TIAM1: variants seen among roughly 807,000 people sequenced by gnomAD.
TIAM1 encodes rho guanine nucleotide exchange factor TIAM1.
A neutral mutation model predicts 163.5 loss-of-function variants in TIAM1; 65 were observed. That is an observed-to-expected ratio of 0.40 (90% confidence interval 0.33 to 0.49). The LOEUF is 0.49. Ranked by LOEUF, TIAM1 falls within the 20% of genes least tolerant of loss-of-function variation. The probability of loss-of-function intolerance (pLI) is 0.77; values close to 1 mark genes in which losing one functional copy is unlikely to be tolerated. For missense variants in TIAM1, 1,789 were observed against 2,044.7 expected (o/e 0.87, Z 2.41); for synonymous variants, 833 against 810.1 (o/e 1.03, Z -0.48).
chr21:31,442,200 C>A (rs2044458945), intron 2 of TIAM1, among the ~76,000 whole-genome samples: 1 of 146,210 alleles, frequency 6.8e-6, no homozygotes, highest in Non-Finnish European at 1.5e-5. Context: ...AGTCAATGGA[C>A]AATTACTAAG....
intron 2 of TIAM1, among the ~76,000 whole-genome samples, chr21:31,315,839 TGGTG>T (rs2075104425): frequency 6.6e-6 from 1 of 151,320 alleles, no homozygotes; most frequent in African/African-American, 2.4e-5. Context: ...AAGGCGGGTG[TGGTG>T]GTGCACGCCT....
intron 1 of TIAM1, among the ~76,000 whole-genome samples, chr21:31,554,670 G>A (rs778965060): frequency 3.9e-4 from 59 of 152,324 alleles, no homozygotes; most frequent in Admixed American, 7.8e-4. Context: ...TCTGAAAGCA[G>A]ACAATTGATC....
chr21:31,268,319 T>C (rs962519895), intron 3 of TIAM1, among the ~76,000 whole-genome samples: 1 of 152,164 alleles, frequency 6.6e-6, no homozygotes, highest in African/African-American at 2.4e-5. Context: ...AAAAGCATCG[T>C]GGTGAAGCAG....
intron 1 of TIAM1, among the ~76,000 whole-genome samples, chr21:31,517,510 G>T (rs984014183): frequency 6.6e-6 from 1 of 152,134 alleles, no homozygotes; most frequent in African/African-American, 2.4e-5. Flanking sequence ...GGAGGCAGAG[G>T]GAGAGTCCAC....
chr21:31,160,768 T>C (rs1469663023), intron 16 of TIAM1: 3 of 353,760 alleles, frequency 8.5e-6, no homozygotes, highest in Admixed American at 4.7e-5. Context: ...CAGTGCCCTC[T>C]GGGAAGCTGT....
chr21:31,442,727 C>T (rs1225999962), intron 2 of TIAM1, among the ~76,000 whole-genome samples: 1 of 152,104 alleles, frequency 6.6e-6, no homozygotes, highest in African/African-American at 2.4e-5. Context: ...GAGGATGGGG[C>T]CAGGGTCACA....
intron 1 of TIAM1, among the ~76,000 whole-genome samples, chr21:31,489,706 AT>A (rs1188275430): frequency 6.6e-6 from 1 of 151,792 alleles, no homozygotes; most frequent in African/African-American, 2.4e-5. Flanking sequence ...GGTCCTGAAG[AT>A]AAACACTCCC....
At chr21:31,179,998 C>T (rs578013782) in intron 15 of TIAM1, among the ~76,000 whole-genome samples, 1 of 151,096 alleles carries the variant, frequency 6.6e-6, no homozygotes, top group South Asian at 2.1e-4. Context: ...CTCTGCCTCC[C>T]GGGTTCAAGC....
chr21:31,445,316 C>G (rs2044584772), intron 2 of TIAM1, among the ~76,000 whole-genome samples: 1 of 152,152 alleles, frequency 6.6e-6, no homozygotes, highest in Admixed American at 6.5e-5. Context: ...TTCTGTAATG[C>G]TAAGACCAGC....
At chr21:31,240,071 C>A (rs141740616) in intron 6 of TIAM1, among the ~76,000 whole-genome samples, 14 of 152,234 alleles carry the variant, frequency 9.2e-5, no homozygotes, top group Non-Finnish European at 1.5e-4. Flanking sequence ...CACCTGGGAA[C>A]AACTCAAATG....
intron 2 of TIAM1, among the ~76,000 whole-genome samples, chr21:31,413,264 C>CCTT (rs2043264983): frequency 1.1e-5 from 1 of 87,876 alleles, no homozygotes; most frequent in South Asian, 4.4e-4. Flanking sequence ...CTTTTCTTTT[C>CCTT]TTTTTTTTTT....
At chr21:31,355,661 C>T (rs118052928) in intron 2 of TIAM1, among the ~76,000 whole-genome samples, 2 of 151,992 alleles carry the variant, frequency 1.3e-5, no homozygotes, top group Non-Finnish European at 2.9e-5. Flanking sequence ...AAGCAATGCT[C>T]TTGCCTCCGC....
chr21:31,303,610 T>C (rs1181620679), intron 2 of TIAM1, among the ~76,000 whole-genome samples: 2 of 151,826 alleles, frequency 1.3e-5, no homozygotes, highest in African/African-American at 4.8e-5. Context: ...AGCATCAAAA[T>C]GATTTATAAT....
At chr21:31,463,383 C>G (rs916600249) in intron 2 of TIAM1, among the ~76,000 whole-genome samples, 3 of 152,182 alleles carry the variant, frequency 2.0e-5, no homozygotes, top group African/African-American at 7.2e-5. Context: ...TCAAAGGGTT[C>G]CAGAATCTGC....
rs545057586 is a variant in TIAM1, at chr21:31,224,174, A to C, written c.1810-583T>G. On this transcript the variant is annotated intron_variant, in intron 7 of 27. Transcript: ENST00000541036. ...TCCTTAGGCTGTTGGGATGTTTGAA[A>C]AAGATAATACAAGCATAAGTACAAG... 9.8e-5 allele frequency among the ~76,000 whole-genome samples: 15 copies of C among 152,296 alleles called. No individual in the cohort carries two copies. In the East Asian group the frequency reaches 2.9e-3, roughly 30 times the overall value.
intron 1 of TIAM1, among the ~76,000 whole-genome samples, chr21:31,493,511 A>G (rs890180811): frequency 6.6e-6 from 1 of 152,196 alleles, no homozygotes; most frequent in African/African-American, 2.4e-5. Flanking sequence ...AAAGACAAAA[A>G]AACAGAAAAC....
chr21:31,423,864 G>C (rs866701617), intron 2 of TIAM1, among the ~76,000 whole-genome samples: 2 of 72,118 alleles, frequency 2.8e-5, no homozygotes, highest in Non-Finnish European at 4.7e-5. Context: ...CGGGGGGGGC[G>C]GGGGGGGGGT....
intron 2 of TIAM1, among the ~76,000 whole-genome samples, chr21:31,402,746 G>A (rs190317601): frequency 3.3e-5 from 5 of 152,180 alleles, no homozygotes; most frequent in East Asian, 3.9e-4. Flanking sequence ...TCAGGAGAGC[G>A]AGACCATCCT....
chr21:31,441,041 A>C (rs545565837), intron 2 of TIAM1, among the ~76,000 whole-genome samples: 2 of 152,220 alleles, frequency 1.3e-5, no homozygotes, highest in African/African-American at 4.8e-5. Context: ...CCAGAGCAGA[A>C]GAGTCACAGC....
Sources: gnomAD v4.1 joint callset for allele counts (sites outside exome capture counted in the v4.1 genomes callset) on GRCh38, gnomAD v4.1.1 for gene constraint, MANE v1.5 for transcripts, NCBI Gene and HGNC (gene_info 2026-07-23, HGNC 2026-07-21) for gene names.